Variants in SYNE1 observed in about 807,000 individuals in gnomAD.
The protein encoded by SYNE1 is spectrin repeat containing nuclear envelope protein 1, also known as nesprin-1.
SYNE1 carries 616 observed loss-of-function variants against 1,111.0 expected under a neutral mutation model. That is an observed-to-expected ratio of 0.55 (90% CI 0.52 to 0.59). The LOEUF (loss-of-function observed/expected upper bound fraction) is 0.59. Ranked by LOEUF, SYNE1 falls within the 20% of genes least tolerant of loss-of-function variation. The pLI is 0.00. For synonymous variants in SYNE1, 3,855 were observed against 3,825.8 expected (o/e 1.01, Z -0.28); for missense variants, 10,006 against 10,417.0 (o/e 0.96, Z 1.72).
rs886061192 is a variant in SYNE1, at chr6:152,151,659, G to C, written c.24344C>G (p.Thr8115Ser). Residue 8115 changes from threonine (T) to serine (S), a missense_variant, in exon 135 of 146, where the codon ACT becomes AGT. Thr to Ser is a moderately conservative substitution (Grantham distance 58, BLOSUM62 1). This residue lies in a region of SYNE1 where 34 missense variants were observed against 68.3 expected (regional missense o/e 0.50). Coordinates refer to ENST00000367255, the MANE Select transcript of SYNE1 (RefSeq NM_182961.4). ...HFIGQREEFETARDSILVWLT... is the reference protein window; with the variant it reads ...HFIGQREEFESARDSILVWLT... ...CCAGACCAGAATGCTGTCCCGCGCAGTCTCAAACTCCTCACGCTGGCCAAT... is the reference window on the plus strand; with the variant it reads ...CCAGACCAGAATGCTGTCCCGCGCACTCTCAAACTCCTCACGCTGGCCAAT... 1.2e-6 allele frequency: 2 copies of C among 1,614,142 alleles called. No homozygotes were observed. The highest frequency in any genetic ancestry group is 1.7e-6 in the Non-Finnish European group (2 of 1,180,028).
chr6:152,576,880 C>T (rs1182574439), intron 3 of SYNE1, among the ~76,000 whole-genome samples: 1 of 152,174 alleles, frequency 6.6e-6, no homozygotes, highest in Admixed American at 6.5e-5. Context: ...AATTTGACTT[C>T]ATGATTGAGC....
At chr6:152,327,231 AG>A (rs1182889772) in intron 78 of SYNE1, among the ~76,000 whole-genome samples, 2 of 152,162 alleles carry the variant, frequency 1.3e-5, no homozygotes, top group Non-Finnish European at 2.9e-5. Flanking sequence ...CAGAGGTTGC[AG>A]TGAGCTGAGA....
intron 14 of SYNE1, among the ~76,000 whole-genome samples, chr6:152,475,224 G>A (rs2098828094): frequency 6.6e-6 from 1 of 152,128 alleles, no homozygotes; most frequent in Non-Finnish European, 1.5e-5. Flanking sequence ...CAGAACAGAA[G>A]CATTATAAGT....
intron 11 of SYNE1, among the ~76,000 whole-genome samples, chr6:152,489,457 C>CT (rs3076635): frequency 0.21 from 24,101 of 112,168 alleles, 2,864 homozygotes; most frequent in Middle Eastern, 0.34. Context: ...CTTGGTGTGT[C>CT]TTTTTTTTTT....
At chr6:152,324,048 T>C (rs1407019263) in intron 81 of SYNE1, among the ~76,000 whole-genome samples, 1 of 152,246 alleles carries the variant, frequency 6.6e-6, no homozygotes, top group Non-Finnish European at 1.5e-5. Flanking sequence ...TTAACATAAA[T>C]GAGTGCCTTT....
chr6:152,314,876 G>C (rs1297433038), intron 87 of SYNE1, among the ~76,000 whole-genome samples: 3 of 142,544 alleles, frequency 2.1e-5, no homozygotes, highest in Non-Finnish European at 4.6e-5. Context: ...ACTTGAACCT[G>C]CCCAGGCTGT....
chr6:152,427,704 G>C lies in SYNE1; in HGVS notation c.5089C>G (p.Gln1697Glu). The change falls in exon 38 of 146, where the codon CAG becomes GAG. Residue 1697 changes from glutamine (Q) to glutamate (E), a missense_variant. By Grantham distance (29) the Gln-to-Glu change is conservative (BLOSUM62 2). This residue lies in a region of SYNE1 where 1,971 missense variants were observed against 2,084.1 expected (regional missense o/e 0.95). Transcript: ENST00000367255. Reference protein sequence around the residue: ...ADRVKVEGELQLIQALQNEVV... With the variant: ...ADRVKVEGELELIQALQNEVV... ...TTCCTTGAACTTGCCTGTATTAACT[G>C]AAGTTCACCTTCCACTTTGACTCTG... is the stretch of plus-strand genomic sequence containing the variant. 1 of 1,613,948 alleles carries C rather than the reference G, an allele frequency of 6.2e-7. No homozygotes were observed. The highest frequency in any genetic ancestry group is 8.5e-7 in the Non-Finnish European group (1 of 1,179,982).
intron 115 of SYNE1, among the ~76,000 whole-genome samples, chr6:152,227,908 G>C: frequency 6.6e-6 from 1 of 151,998 alleles, no homozygotes; most frequent in East Asian, 1.9e-4. Context: ...AGATGATTCT[G>C]TTTCTGATCA....
chr6:152,446,546 T>C (rs542459129), intron 29 of SYNE1, among the ~76,000 whole-genome samples: 1 of 152,194 alleles, frequency 6.6e-6, no homozygotes, highest in Non-Finnish European at 1.5e-5. Flanking sequence ...AATTGTTAGA[T>C]GAGAAATCTC....
chr6:152,510,399 A>G, intron 7 of SYNE1, 28 bp from the exon 8 acceptor site: 1 of 1,611,126 alleles, frequency 6.2e-7, no homozygotes, highest in Non-Finnish European at 8.5e-7. Flanking sequence ...GCCAGCAAAA[A>G]TATAAGCATT....
At chr6:152,211,758 TC>T (rs926478886) in intron 123 of SYNE1, among the ~76,000 whole-genome samples, 170 bp from the exon 124 acceptor site, 5 of 152,164 alleles carry the variant, frequency 3.3e-5, no homozygotes, top group Admixed American at 1.3e-4. Flanking sequence ...TTTTAAATCA[TC>T]AATTAAGATA....
intron 4 of SYNE1, among the ~76,000 whole-genome samples, chr6:152,527,087 T>C (rs994245841): frequency 1.3e-5 from 2 of 152,200 alleles, no homozygotes; most frequent in African/African-American, 4.8e-5. Flanking sequence ...TCAAACTTTA[T>C]AGCTTTCTGA....
chr6:152,266,949 T>C (rs1343995653), intron 100 of SYNE1, among the ~76,000 whole-genome samples: 2 of 152,122 alleles, frequency 1.3e-5, no homozygotes, highest in Non-Finnish European at 2.9e-5. Context: ...TTTTTATTAT[T>C]GACGGTCTAT....
intron 40 of SYNE1, 113 bp downstream of exon 40, chr6:152,419,456 A>C: frequency 8.9e-7 from 1 of 1,123,310 alleles, no homozygotes; most frequent in Non-Finnish European, 1.3e-6. Flanking sequence ...TATAAATAAA[A>C]AGTTAAATTC....
intron 93 of SYNE1, among the ~76,000 whole-genome samples, chr6:152,295,611 TACTG>T (rs2094834155): frequency 6.7e-6 from 1 of 150,126 alleles, no homozygotes; most frequent in African/African-American, 2.5e-5. Flanking sequence ...GTGTGTGTGT[TACTG>T]ACACACACAC....
At position 152,450,642 on chromosome 6, in the gene SYNE1, C is replaced by A; in HGVS notation, c.3378G>T (p.Trp1126Cys). Residue 1126 changes from tryptophan to cysteine, a missense_variant, in exon 27 of 146, where the codon TGG (tryptophan) becomes TGT (cysteine). By Grantham distance (215) the Trp-to-Cys change is radical (BLOSUM62 -2). Transcript: ENST00000367255. ...YRKLMEDPDKWKDYTSRFSEF... is the reference protein window; with the variant it reads ...YRKLMEDPDKCKDYTSRFSEF... ...GAGGCTACCTGCTAGTGTAGTCCTT[C>A]CACTTGTCTGGGTCTTCCATGAGCT... The A allele has an allele frequency of 6.2e-7, 1 of 1,614,164 alleles. No individual in the cohort carries two copies. The highest frequency in any genetic ancestry group is 8.5e-7 in the Non-Finnish European group (1 of 1,180,038).
intron 3 of SYNE1, among the ~76,000 whole-genome samples, chr6:152,541,142 T>C (rs1312662456): frequency 2.0e-5 from 3 of 152,186 alleles, no homozygotes; most frequent in African/African-American, 7.2e-5. Flanking sequence ...AGGCTTTAAT[T>C]AGAGGTATAA....
chr6:152,284,163 C>A lies in SYNE1; in HGVS notation c.18022G>T (p.Asp6008Tyr). ...SQMAEHQALM[D>Y]EILMLQDEIN... Reference sequence around the variant, plus strand: ...TCATCCTGGAGCATGAGAATCTCATCCATCAATGCCTGGAGGAAAGACTGT... The same window carrying A: ...TCATCCTGGAGCATGAGAATCTCATACATCAATGCCTGGAGGAAAGACTGT... The change falls in exon 96 of 146, where the codon GAT (aspartate) becomes TAT (tyrosine). Residue 6008 changes from aspartate to tyrosine, a missense_variant. Around this residue, in one of 7 missense-constraint regions of SYNE1, gnomAD observed 4,955 missense variants for 5,017.2 expected, o/e 0.99. Coordinates refer to ENST00000367255, the MANE Select transcript of SYNE1 (RefSeq NM_182961.4). The A allele has an allele frequency of 6.2e-7, 1 of 1,614,108 alleles. No individual in the cohort carries two copies. The highest frequency in any genetic ancestry group is 1.1e-5 in the South Asian group (1 of 91,062).
At chr6:152,141,454 C>G (rs2058539064) in intron 138 of SYNE1, 125 bp from the exon 139 acceptor site, 1 of 1,354,824 alleles carries the variant, frequency 7.4e-7, no homozygotes, top group African/African-American at 1.4e-5. Flanking sequence ...CTGTGCCACC[C>G]TGCTAAAAAT....
Sources: allele counts gnomAD v4.1 joint callset (sites outside exome capture counted in the v4.1 genomes callset), GRCh38; gene constraint gnomAD v4.1.1; regional missense constraint gnomAD v4.1.1; transcripts MANE v1.5; gene names NCBI Gene and HGNC (gene_info 2026-07-23, HGNC 2026-07-21).